GRB10: variants seen among roughly 807,000 people sequenced by gnomAD.
GRB10 encodes growth factor receptor-bound protein 10.
In GRB10, 20 loss-of-function variants were observed where a neutral mutation model predicts 80.9. That is an observed-to-expected ratio of 0.25 (90% CI 0.17 to 0.36). The LOEUF is 0.36. Among genes scored for constraint, GRB10 ranks in the 10% least tolerant of loss-of-function variants. GRB10 has a pLI of 1.00. For missense variants in GRB10, 548 were observed against 747.7 expected, an observed-to-expected ratio of 0.73 and a Z score of 3.12; for synonymous variants, 291 against 291.5, an observed-to-expected ratio of 1.00 and a Z score of 0.02.
At chr7:50,668,821 C>T (rs960939073) in intron 7 of GRB10, among the ~76,000 whole-genome samples, 1 of 152,216 alleles carries the variant, frequency 6.6e-6, no homozygotes, top group Non-Finnish European at 1.5e-5. Context: ...GCTAAGCTGA[C>T]TTGTTGGCTG....
chr7:50,669,715 C>A lies in GRB10; in HGVS notation c.504+7G>T. On this transcript the variant is annotated splice_region_variant and intron_variant, in intron 7 of 18. Coordinates refer to ENST00000401949, the MANE Select transcript of GRB10 (RefSeq NM_001350814.2). ...TCAGCCTGGGCTCCAGCCAGGGGCA[C>A]ACTCACCTGCTTTGCGGCGGCCTGG... is the stretch of plus-strand genomic sequence containing the variant. 6.2e-7 allele frequency: 1 copy of A among 1,612,444 alleles called. No homozygotes were observed. The highest frequency in any genetic ancestry group is 1.3e-5 in the African/African-American group (1 of 75,058).
chr7:50,604,841 C>T (rs758316737), intron 15 of GRB10: 2 of 286,604 alleles, frequency 7.0e-6, no homozygotes, highest in East Asian at 9.1e-5. Flanking sequence ...ACTTAGAAGC[C>T]GAGTGATAGT....
At chr7:50,743,667 G>C (rs2072311384) in intron 3 of GRB10, among the ~76,000 whole-genome samples, 1 of 152,204 alleles carries the variant, frequency 6.6e-6, no homozygotes, top group South Asian at 2.1e-4. Flanking sequence ...TCCTGAAGGG[G>C]ACAGCACAGA....
At chr7:50,769,978 G>A (rs1045206675) in intron 2 of GRB10, among the ~76,000 whole-genome samples, 2 of 152,162 alleles carry the variant, frequency 1.3e-5, no homozygotes, top group Non-Finnish European at 2.9e-5. Context: ...ATATACCTGG[G>A]CAGCCAACAC....
chr7:50,714,504 A>T (rs1217398368), intron 4 of GRB10, among the ~76,000 whole-genome samples: 1 of 152,158 alleles, frequency 6.6e-6, no homozygotes, highest in Non-Finnish European at 1.5e-5. Context: ...TCTACTAAAA[A>T]TACAAAAAAT....
intron 1 of GRB10, among the ~76,000 whole-genome samples, chr7:50,790,167 G>A (rs2078852731): frequency 6.6e-6 from 1 of 152,220 alleles, no homozygotes; most frequent in Non-Finnish European, 1.5e-5. Flanking sequence ...CTAAAAGTGT[G>A]CAGCTAAAAT....
intron 17 of GRB10, among the ~76,000 whole-genome samples, chr7:50,599,621 A>G (rs953633496): frequency 1.3e-5 from 2 of 152,198 alleles, no homozygotes; most frequent in African/African-American, 4.8e-5. Context: ...GGGAGGACGG[A>G]GAGGAACACC....
intron 3 of GRB10, among the ~76,000 whole-genome samples, chr7:50,751,685 A>G (rs1207052830): frequency 6.6e-6 from 1 of 152,224 alleles, no homozygotes; most frequent in Non-Finnish European, 1.5e-5. Flanking sequence ...CACATTTTAA[A>G]TATGTGCAGT....
chr7:50,593,152 G>T, intron 18 of GRB10, 54 bp from the exon 19 acceptor site: 2 of 1,604,710 alleles, frequency 1.2e-6, no homozygotes, highest in East Asian at 2.2e-5. Flanking sequence ...TCAGGGAACA[G>T]AACGGGGCCC....
At chr7:50,617,688 C>T (rs1193014899) in intron 10 of GRB10, among the ~76,000 whole-genome samples, 6 of 152,164 alleles carry the variant, frequency 3.9e-5, no homozygotes, top group Non-Finnish European at 7.3e-5. Context: ...GCAGAGATTT[C>T]CAAGCAGCTA....
At chr7:50,714,581 T>G (rs1270364592) in intron 4 of GRB10, among the ~76,000 whole-genome samples, 1 of 151,792 alleles carries the variant, frequency 6.6e-6, no homozygotes, top group Non-Finnish European at 1.5e-5. Flanking sequence ...GGGAATGGCG[T>G]GAACCCAGGA....
chr7:50,601,979 A>T (rs2047690949), intron 17 of GRB10, among the ~76,000 whole-genome samples: 1 of 152,258 alleles, frequency 6.6e-6, no homozygotes. Flanking sequence ...TGAGGGGCAA[A>T]GTGAGCGTCG....
chr7:50,614,498 C>A (rs1292808012), intron 12 of GRB10, among the ~76,000 whole-genome samples: 1 of 152,192 alleles, frequency 6.6e-6, no homozygotes, highest in Non-Finnish European at 1.5e-5. Flanking sequence ...CCACAGCCCA[C>A]CCTTTGATGC....
chr7:50,742,269 GCGCACACACACACACACA>G (rs1156824256), intron 3 of GRB10, among the ~76,000 whole-genome samples: 8 of 32,712 alleles, frequency 2.4e-4, no homozygotes, highest in African/African-American at 3.0e-4. Context: ...GCACGCGCGC[GCGCACACACACACACACA>G]CACACACACA....
At chr7:50,706,880 T>G (rs1237594306) in intron 4 of GRB10, among the ~76,000 whole-genome samples, 2 of 152,206 alleles carry the variant, frequency 1.3e-5, no homozygotes, top group Admixed American at 6.5e-5. Flanking sequence ...GAGCCCTGGG[T>G]GAGCACCCAT....
intron 15 of GRB10, among the ~76,000 whole-genome samples, chr7:50,604,595 G>A (rs1327514982): frequency 1.1e-4 from 17 of 151,952 alleles, no homozygotes; most frequent in Admixed American, 8.5e-4. Flanking sequence ...CCCCAGTATC[G>A]AAGTAGACAT....
chr7:50,759,455 G>A (rs1318793291), intron 2 of GRB10, among the ~76,000 whole-genome samples: 1 of 152,100 alleles, frequency 6.6e-6, no homozygotes, highest in Non-Finnish European at 1.5e-5. Context: ...ATCAGAGGAT[G>A]CTCCAGTCCC....
intron 7 of GRB10, among the ~76,000 whole-genome samples, chr7:50,665,375 C>T (rs145443154): frequency 2.4e-4 from 36 of 152,326 alleles, no homozygotes; most frequent in Middle Eastern, 3.4e-3. Context: ...CAAAATAAAA[C>T]AGAAAGCCCA....
chr7:50,682,486 T>A (rs1177712873), intron 5 of GRB10, among the ~76,000 whole-genome samples: 2 of 152,222 alleles, frequency 1.3e-5, no homozygotes, highest in African/African-American at 4.8e-5. Context: ...TAACCGTATT[T>A]GAAAATCAAT....
Sources: gnomAD v4.1 joint callset for allele counts (sites outside exome capture counted in the v4.1 genomes callset) on GRCh38, gnomAD v4.1.1 for gene constraint, MANE v1.5 for transcripts, NCBI Gene and HGNC (gene_info 2026-07-23, HGNC 2026-07-21) for gene names.